Variants in COL4A6 observed in about 807,000 individuals in gnomAD.
COL4A6 encodes collagen alpha-6(IV) chain.
A neutral mutation model predicts 126.7 loss-of-function variants in COL4A6; 59 were observed. The ratio of observed to expected loss-of-function variants is 0.47; its 90% CI spans 0.38 to 0.58. The LOEUF (loss-of-function observed/expected upper bound fraction) is 0.58, where lower values mean the gene tolerates loss of function less well. Ranked by LOEUF, COL4A6 falls within the 20% of genes least tolerant of loss-of-function variation. The pLI is 0.00. For synonymous variants in COL4A6, 547 were observed against 496.6 expected, an observed-to-expected ratio of 1.10 and a Z score of -1.35; for missense variants, 1,285 against 1,337.3, an observed-to-expected ratio of 0.96 and a Z score of 0.61.
chrX:108,360,534 C>CTT (rs5903322), intron 2 of COL4A6, among the ~76,000 whole-genome samples: 7 of 84,293 alleles, frequency 8.3e-5, no homozygotes, highest in South Asian at 6.0e-4. Flanking sequence ...ACACTTTAAC[C>CTT]TTTTTTTTTT....
At chrX:108,364,376 GGTAA>G (rs1381339129) in intron 2 of COL4A6, among the ~76,000 whole-genome samples, 6 of 109,043 alleles carry the variant, frequency 5.5e-5, no homozygotes, top group Non-Finnish European at 7.6e-5. Context: ...TCCTTATTGT[GGTAA>G]GTGTTACATA....
intron 2 of COL4A6, among the ~76,000 whole-genome samples, chrX:108,412,057 C>T (rs1014739639): frequency 1.8e-5 from 2 of 110,924 alleles, no homozygotes; most frequent in Non-Finnish European, 3.8e-5. Context: ...AAGAGAAGCA[C>T]GAGATAAGCC....
intron 2 of COL4A6, among the ~76,000 whole-genome samples, chrX:108,341,098 T>C (rs1412961991): frequency 9.0e-6 from 1 of 111,388 alleles, no homozygotes; most frequent in East Asian, 2.8e-4. Flanking sequence ...CAACAGGGGA[T>C]GTATCTGAGC....
chrX:108,188,767 C>T, intron 20 of COL4A6, 90 bp from the exon 21 acceptor site: 4 of 895,813 alleles, frequency 4.5e-6, no homozygotes, highest in Non-Finnish European at 4.5e-6. Context: ...ACTTGAACAA[C>T]TCCATAGAGG....
chrX:108,223,679 G>T (rs1569364743), intron 3 of COL4A6, among the ~76,000 whole-genome samples: 1 of 111,553 alleles, frequency 9.0e-6, no homozygotes, highest in Non-Finnish European at 1.9e-5. Flanking sequence ...GAACAGGGGA[G>T]AGTTGGGAGA....
At chrX:108,365,574 C>G (rs1451518001) in intron 2 of COL4A6, among the ~76,000 whole-genome samples, 1 of 111,812 alleles carries the variant, frequency 8.9e-6, no homozygotes, top group Non-Finnish European at 1.9e-5. Flanking sequence ...CCTACAATCT[C>G]AAAGTTGAAA....
chrX:108,167,069 G>A (rs948216206), intron 37 of COL4A6, among the ~76,000 whole-genome samples: 1 of 111,203 alleles, frequency 9.0e-6, no homozygotes, highest in South Asian at 3.7e-4. Context: ...TTACACTTAC[G>A]TGTTATTAAA....
Position 108,175,278 on chromosome X carries a change from C to T in COL4A6, c.2831-63G>A, listed in dbSNP as rs1016128670. 62 of 1,092,712 alleles carry T rather than the reference C, an allele frequency of 5.7e-5. No homozygotes were observed. The Admixed American group carries it at 1.7e-3, about 30-fold the overall frequency. The allele number at this position is 1,092,712 out of a possible 1,213,427, so 90.1% of individuals were successfully genotyped here. Reference sequence around the variant, plus strand: ...GACGCAGGGTCAGGCAAAGGCTGACCTTTCACATCATTTCTTCCCATACCA... The same window carrying T: ...GACGCAGGGTCAGGCAAAGGCTGACTTTTCACATCATTTCTTCCCATACCA... On this transcript the variant is annotated intron_variant, in intron 29 of 44. Transcript: ENST00000334504.
intron 2 of COL4A6, among the ~76,000 whole-genome samples, chrX:108,397,107 A>G (rs748091034): frequency 8.9e-6 from 1 of 111,887 alleles, no homozygotes; most frequent in Admixed American, 9.5e-5. Context: ...TCTTCAACCA[A>G]GAAGATTTTC....
At chrX:108,176,050 G>A (rs1431835260) in intron 28 of COL4A6, among the ~76,000 whole-genome samples, 1 of 110,762 alleles carries the variant, frequency 9.0e-6, no homozygotes, top group African/African-American at 3.3e-5. Flanking sequence ...TCTCGGCCGG[G>A]CACAGTGGGT....
intron 5 of COL4A6, among the ~76,000 whole-genome samples, chrX:108,214,752 C>G (rs187045743): frequency 8.9e-6 from 1 of 112,475 alleles, no homozygotes; most frequent in Non-Finnish European, 1.9e-5. Flanking sequence ...CCAAAATAAG[C>G]AAGTCCTGCA....
chrX:108,381,982 A>T (rs771420864), intron 2 of COL4A6, among the ~76,000 whole-genome samples: 141 of 110,933 alleles, frequency 1.3e-3, no homozygotes, highest in Non-Finnish European at 1.6e-3. Context: ...TTTCTCTTGA[A>T]TTTTAATTTT....
chrX:108,384,678 C>T (rs993056956), intron 2 of COL4A6, among the ~76,000 whole-genome samples: 2 of 111,381 alleles, frequency 1.8e-5, no homozygotes, highest in Admixed American at 1.9e-4. Context: ...GAAAGAAGGA[C>T]ACCTCAAAAG....
intron 2 of COL4A6, among the ~76,000 whole-genome samples, chrX:108,418,915 T>C (rs1484503313): frequency 3.6e-5 from 4 of 112,460 alleles, no homozygotes. Flanking sequence ...TGACATTTGG[T>C]TGATATCTTG....
chrX:108,221,079 C>T, intron 4 of COL4A6, 161 bp downstream of exon 4: 2 of 668,035 alleles, frequency 3.0e-6, no homozygotes, highest in African/African-American at 2.1e-5. Flanking sequence ...GCCTGGGCAA[C>T]AGGGCGAGAC....
intron 2 of COL4A6, among the ~76,000 whole-genome samples, chrX:108,323,421 C>G (rs1156512253): frequency 9.0e-6 from 1 of 111,700 alleles, no homozygotes; most frequent in Admixed American, 9.5e-5. Context: ...AAAAGATATG[C>G]TTCTAAAACT....
chrX:108,260,449 A>C (rs777888913), intron 3 of COL4A6, among the ~76,000 whole-genome samples: 14 of 111,584 alleles, frequency 1.3e-4, no homozygotes, highest in South Asian at 7.6e-4. Context: ...AGTGGGAGAT[A>C]ATTGAATCAT....
At chrX:108,228,479 T>G (rs759833678) in intron 3 of COL4A6, among the ~76,000 whole-genome samples, 2 of 112,181 alleles carry the variant, frequency 1.8e-5, no homozygotes, top group African/African-American at 3.2e-5. Context: ...TCAAGGAACA[T>G]TTAAGCTTGT....
chrX:108,226,686 CA>C (rs1331054828), intron 3 of COL4A6, among the ~76,000 whole-genome samples: 5 of 111,302 alleles, frequency 4.5e-5, no homozygotes, highest in African/African-American at 6.5e-5. Context: ...TTCTCCAAAC[CA>C]GCTCCCTTTT....
Sources: allele counts gnomAD v4.1 joint callset (sites outside exome capture counted in the v4.1 genomes callset), GRCh38; gene constraint gnomAD v4.1.1; transcripts MANE v1.5; gene names NCBI Gene and HGNC (gene_info 2026-07-23, HGNC 2026-07-21).